Variants in CMSS1 observed in about 807,000 individuals in gnomAD.
CMSS1 encodes the protein cms1 ribosomal small subunit homolog.
Under a neutral mutation model 43.5 loss-of-function variants are expected in CMSS1, and 33 were observed. The observed-to-expected ratio is 0.76, with a 90% CI of 0.57 to 1.01. CMSS1 has a LOEUF of 1.01. Ranked by LOEUF, CMSS1 falls within the 50% of genes least tolerant of loss-of-function variation. The pLI is 0.00. For missense variants in CMSS1, 313 were observed against 326.4 expected (o/e 0.96, Z 0.32); for synonymous variants, 115 against 117.2 (o/e 0.98, Z 0.12).
intron 1 of CMSS1, among the ~76,000 whole-genome samples, chr3:100,050,492 A>G (rs1337582221): frequency 6.6e-6 from 1 of 152,122 alleles, no homozygotes; most frequent in Non-Finnish European, 1.5e-5. Flanking sequence ...CTGTTTTTTT[A>G]GAGGCATCTC....
intron 1 of CMSS1, among the ~76,000 whole-genome samples, chr3:100,103,266 G>A (rs2066339284): frequency 6.6e-6 from 1 of 152,222 alleles, no homozygotes; most frequent in Non-Finnish European, 1.5e-5. Flanking sequence ...GTGGCAGCAA[G>A]AGCTATGAGA....
At chr3:99,928,244 A>C (rs73136689) in intron 1 of CMSS1, among the ~76,000 whole-genome samples, 2 of 152,300 alleles carry the variant, frequency 1.3e-5, no homozygotes, top group Non-Finnish European at 2.9e-5. Context: ...TTTTCGGGGC[A>C]TTCCCCTCTC....
intron 1 of CMSS1, among the ~76,000 whole-genome samples, chr3:100,143,857 T>G (rs2066824557): frequency 6.6e-6 from 1 of 152,156 alleles, no homozygotes; most frequent in East Asian, 1.9e-4. Context: ...AAGTCCACTT[T>G]CCCTGAAATT....
intron 1 of CMSS1, among the ~76,000 whole-genome samples, chr3:99,858,430 A>C (rs1403981299): frequency 1.3e-5 from 2 of 152,162 alleles, no homozygotes; most frequent in East Asian, 3.8e-4. Flanking sequence ...ACACCACTGC[A>C]CTCCAGCCTG....
intron 1 of CMSS1, among the ~76,000 whole-genome samples, chr3:99,942,156 C>T (rs896635970): frequency 1.3e-4 from 20 of 151,046 alleles, no homozygotes; most frequent in African/African-American, 3.7e-4. Flanking sequence ...GAGCCGAGAT[C>T]GTGCCACTGC....
At chr3:100,131,369 G>A (rs565407732) in intron 1 of CMSS1, among the ~76,000 whole-genome samples, 25 of 152,116 alleles carry the variant, frequency 1.6e-4, no homozygotes, top group Non-Finnish European at 3.4e-4. Context: ...TGTCTACCAC[G>A]GGCAATACAC....
intron 1 of CMSS1, among the ~76,000 whole-genome samples, chr3:100,043,852 A>G (rs891935715): frequency 6.6e-6 from 1 of 152,222 alleles, no homozygotes; most frequent in Non-Finnish European, 1.5e-5. Context: ...TGAAATATGC[A>G]GTATGTTATT....
intron 1 of CMSS1, among the ~76,000 whole-genome samples, chr3:100,066,081 G>T (rs1054069068): frequency 2.6e-5 from 4 of 152,214 alleles, no homozygotes; most frequent in African/African-American, 9.6e-5. Flanking sequence ...AGAACTTAGA[G>T]AGATGGTCTT....
chr3:99,896,429 A>G (rs983282137), intron 1 of CMSS1, among the ~76,000 whole-genome samples: 1 of 152,164 alleles, frequency 6.6e-6, no homozygotes, highest in Non-Finnish European at 1.5e-5. Flanking sequence ...TGAAGTGTAT[A>G]TATTTTCTAG....
At chr3:100,067,495 T>C (rs1576013830) in intron 1 of CMSS1, among the ~76,000 whole-genome samples, 1 of 152,302 alleles carries the variant, frequency 6.6e-6, no homozygotes, top group South Asian at 2.1e-4. Flanking sequence ...AGTGAGTGTT[T>C]TTCAGGTGAA....
intron 1 of CMSS1, among the ~76,000 whole-genome samples, chr3:100,047,235 A>G (rs902293856): frequency 1.3e-5 from 2 of 152,156 alleles, no homozygotes; most frequent in South Asian, 2.1e-4. Flanking sequence ...AAGTGTTGTT[A>G]TTTTCTTCTT....
At chr3:100,078,834 T>TGA (rs2065890308) in intron 1 of CMSS1, among the ~76,000 whole-genome samples, 1 of 152,028 alleles carries the variant, frequency 6.6e-6, no homozygotes, top group Non-Finnish European at 1.5e-5. Context: ...GAGGCTGCAG[T>TGA]GAGCCAAGAT....
intron 1 of CMSS1, among the ~76,000 whole-genome samples, chr3:99,944,686 C>T (rs183177792): frequency 1.4e-4 from 21 of 152,304 alleles, no homozygotes; most frequent in Non-Finnish European, 2.8e-4. Flanking sequence ...CAGAGCCCAC[C>T]CAGTCTTTGC....
At chr3:99,981,436 C>T (rs911549331) in intron 1 of CMSS1, among the ~76,000 whole-genome samples, 13 of 152,084 alleles carry the variant, frequency 8.5e-5, no homozygotes, top group African/African-American at 3.1e-4. Flanking sequence ...ATTTGCATGT[C>T]CTGTTTCTCT....
At chr3:99,822,729 T>C (rs1269967082) in intron 1 of CMSS1, among the ~76,000 whole-genome samples, 1 of 152,016 alleles carries the variant, frequency 6.6e-6, no homozygotes, top group Non-Finnish European at 1.5e-5. Flanking sequence ...CAAAACTCCA[T>C]CTCAAAATAA....
intron 1 of CMSS1, among the ~76,000 whole-genome samples, chr3:100,120,050 T>A (rs1229423362): frequency 6.6e-6 from 1 of 152,182 alleles, no homozygotes; most frequent in African/African-American, 2.4e-5. Flanking sequence ...TAATAAGAGG[T>A]TAACTTTTTT....
intron 1 of CMSS1, among the ~76,000 whole-genome samples, chr3:99,904,972 T>C (rs1303239429): frequency 6.6e-6 from 1 of 152,108 alleles, no homozygotes; most frequent in Non-Finnish European, 1.5e-5. Flanking sequence ...AAGAAATTGT[T>C]CTCTCAGAGG....
intron 1 of CMSS1, among the ~76,000 whole-genome samples, chr3:99,826,110 G>A (rs1559646709): frequency 6.6e-6 from 1 of 152,082 alleles, no homozygotes; most frequent in Non-Finnish European, 1.5e-5. Context: ...TTAATCTGAT[G>A]TTATTTAGTG....
intron 1 of CMSS1, among the ~76,000 whole-genome samples, chr3:99,836,766 G>C (rs1942915585): frequency 6.6e-6 from 1 of 152,170 alleles, no homozygotes; most frequent in African/African-American, 2.4e-5. Flanking sequence ...CACTATCCAG[G>C]GAGTGATTGG....
Sources: allele counts gnomAD v4.1 joint callset (sites outside exome capture counted in the v4.1 genomes callset), GRCh38; gene constraint gnomAD v4.1.1; transcripts MANE v1.5; gene names NCBI Gene and HGNC (gene_info 2026-07-23, HGNC 2026-07-21).